OXCT1: variants seen among roughly 807,000 people sequenced by gnomAD.
The protein encoded by OXCT1 is succinyl-CoA:3-ketoacid coenzyme A transferase 1, mitochondrial.
Under a neutral mutation model 69.6 loss-of-function variants are expected in OXCT1, and 27 were observed. That is an observed-to-expected ratio of 0.39 (90% CI 0.29 to 0.54). The LOEUF (loss-of-function observed/expected upper bound fraction) is 0.54. OXCT1 is among the 20% of genes least tolerant of loss of function. The probability of loss-of-function intolerance (pLI) is 0.72; values close to 1 mark genes in which losing one functional copy is unlikely to be tolerated. For missense variants in OXCT1, 437 were observed against 650.2 expected (o/e 0.67, Z 3.57); for synonymous variants, 202 against 217.8 (o/e 0.93, Z 0.64).
chr5:41,823,221 T>G (rs972231914), intron 7 of OXCT1, among the ~76,000 whole-genome samples: 1 of 152,194 alleles, frequency 6.6e-6, no homozygotes, highest in Non-Finnish European at 1.5e-5. Flanking sequence ...TCATTTCACT[T>G]GAAGGCAGGC....
At chr5:41,746,719 A>G (rs1421477418) in intron 15 of OXCT1, among the ~76,000 whole-genome samples, 3 of 152,036 alleles carry the variant, frequency 2.0e-5, no homozygotes, top group African/African-American at 7.2e-5. Flanking sequence ...GTTTATTGCA[A>G]TATCTGACTG....
intron 13 of OXCT1, among the ~76,000 whole-genome samples, chr5:41,788,792 A>T (rs1436526355): frequency 1.3e-5 from 2 of 152,322 alleles, no homozygotes. Context: ...TCCAATTGGC[A>T]CTTACAGAAC....
intron 10 of OXCT1, among the ~76,000 whole-genome samples, 187 bp downstream of exon 10, chr5:41,802,882 G>C (rs1220303954): frequency 6.6e-6 from 1 of 152,070 alleles, no homozygotes; most frequent in Non-Finnish European, 1.5e-5. Flanking sequence ...CAACAACTCA[G>C]ATTTCACTAT....
At chr5:41,739,596 T>C in intron 15 of OXCT1, 105 bp from the exon 16 acceptor site, 2 of 831,444 alleles carry the variant, frequency 2.4e-6, no homozygotes, top group South Asian at 2.7e-5. Context: ...TCGGGTGTGG[T>C]GGCTCAGGCC....
chr5:41,739,564 T>G, intron 15 of OXCT1, 73 bp from the exon 16 acceptor site: 1 of 1,184,344 alleles, frequency 8.4e-7, no homozygotes, highest in Non-Finnish European at 1.3e-6. Context: ...AAAACAGAAA[T>G]AACCTCGCAA....
chr5:41,800,895 A>C (rs774372631), intron 11 of OXCT1, 127 bp downstream of exon 11: 6 of 828,176 alleles, frequency 7.2e-6, no homozygotes, highest in Admixed American at 1.8e-5. Context: ...AAAAAAGCTT[A>C]TCTCTCCTCC....
chr5:41,863,639 C>A (rs546844100), intron 1 of OXCT1, among the ~76,000 whole-genome samples: 13 of 152,272 alleles, frequency 8.5e-5, no homozygotes, highest in Middle Eastern at 3.4e-3. Flanking sequence ...GTTCTAACTC[C>A]ATCATTTGTG....
chr5:41,768,790 G>A (rs1744738025), intron 13 of OXCT1, among the ~76,000 whole-genome samples: 2 of 152,160 alleles, frequency 1.3e-5, no homozygotes, highest in African/African-American at 4.8e-5. Context: ...CACAAAAACC[G>A]CCTCTCTAAA....
intron 10 of OXCT1, among the ~76,000 whole-genome samples, chr5:41,802,302 G>A: frequency 6.6e-6 from 1 of 151,970 alleles, no homozygotes; most frequent in East Asian, 1.9e-4. Context: ...TGCATTAACA[G>A]TTATTATCTA....
Position 41,731,710 on chromosome 5 carries a change from T to C in OXCT1, c.*19A>G, listed in dbSNP as rs368135891. 232 of 1,602,162 alleles carry C rather than the reference T, an allele frequency of 1.4e-4. No homozygotes were observed. The highest frequency in any genetic ancestry group is 1.7e-4 in the Non-Finnish European group (202 of 1,173,752). The stretch of plus-strand genomic sequence containing the variant: ...TGTTTAAAATGAAAAACACGCAGCC[T>C]GGTACAAATATCCATATTTCAATTT... On this transcript the variant is annotated 3_prime_UTR_variant, in exon 17 of 17. Coordinates refer to ENST00000196371, the MANE Select transcript of OXCT1 (RefSeq NM_000436.4).
chr5:41,744,435 TC>T (rs1743363567), intron 15 of OXCT1, among the ~76,000 whole-genome samples: 1 of 152,166 alleles, frequency 6.6e-6, no homozygotes, highest in Non-Finnish European at 1.5e-5. Context: ...CTTCCTCTTT[TC>T]CTAATTGAAT....
intron 14 of OXCT1, among the ~76,000 whole-genome samples, chr5:41,750,165 T>C (rs1274608733): frequency 7.1e-6 from 1 of 141,404 alleles, no homozygotes; most frequent in Non-Finnish European, 1.6e-5. Context: ...TTTTTTAGCA[T>C]TTTCTTCTAG....
At chr5:41,824,252 A>G (rs1255067199) in intron 7 of OXCT1, among the ~76,000 whole-genome samples, 1 of 152,214 alleles carries the variant, frequency 6.6e-6, no homozygotes, top group Admixed American at 6.5e-5. Flanking sequence ...CTGGGTTACT[A>G]TAAAGTGCTT....
chr5:41,737,443 CA>C (rs144312893), intron 16 of OXCT1, among the ~76,000 whole-genome samples: 1 of 150,686 alleles, frequency 6.6e-6, no homozygotes, highest in African/African-American at 2.4e-5. Context: ...TCTTTTGCTG[CA>C]AAAAAAAACT....
At chr5:41,804,481 A>C (rs1386790360) in intron 9 of OXCT1, among the ~76,000 whole-genome samples, 1 of 152,148 alleles carries the variant, frequency 6.6e-6, no homozygotes, top group Non-Finnish European at 1.5e-5. Context: ...TAACTGAATA[A>C]AGAACACCTA....
chr5:41,869,393 C>T (rs1168737875), intron 1 of OXCT1, among the ~76,000 whole-genome samples: 1 of 152,214 alleles, frequency 6.6e-6, no homozygotes, highest in Non-Finnish European at 1.5e-5. Context: ...GGACCTGGCG[C>T]TCTGGTCCTG....
chr5:41,740,369 T>C (rs1273661714), intron 15 of OXCT1, among the ~76,000 whole-genome samples: 11 of 152,046 alleles, frequency 7.2e-5, no homozygotes, highest in Admixed American at 4.6e-4. Context: ...CTGTAAAACA[T>C]ATAGTCTCAA....
At chr5:41,736,635 T>C (rs1742897720) in intron 16 of OXCT1, among the ~76,000 whole-genome samples, 1 of 152,246 alleles carries the variant, frequency 6.6e-6, no homozygotes, top group Non-Finnish European at 1.5e-5. Flanking sequence ...TCCCAGTATT[T>C]TCCCAACCAG....
chr5:41,781,905 G>T (rs951391253), intron 13 of OXCT1, among the ~76,000 whole-genome samples: 1 of 152,176 alleles, frequency 6.6e-6, no homozygotes, highest in Non-Finnish European at 1.5e-5. Context: ...GAACAGTGCA[G>T]TAATGAACAT....
Sources: gnomAD v4.1 joint callset for allele counts (sites outside exome capture counted in the v4.1 genomes callset) on GRCh38, gnomAD v4.1.1 for gene constraint, MANE v1.5 for transcripts, NCBI Gene and HGNC (gene_info 2026-07-23, HGNC 2026-07-21) for gene names.